The following PBX1 variants were observed in gnomAD, a reference collection of about 807,000 sequenced individuals.
The protein encoded by PBX1 is PBX homeobox 1, also known as pre-B-cell leukemia transcription factor 1.
PBX1 carries 6 observed loss-of-function variants against 53.4 expected under a neutral mutation model. That is an observed-to-expected ratio of 0.11 (90% CI 0.06 to 0.22). The LOEUF is 0.22. Ranked by LOEUF, PBX1 falls within the 10% of genes least tolerant of loss-of-function variation. The probability of loss-of-function intolerance (pLI) is 1.00; values close to 1 mark genes in which losing one functional copy is unlikely to be tolerated. For missense variants in PBX1, 251 were observed against 551.4 expected (o/e 0.46, Z 5.46); for synonymous variants, 204 against 212.3 (o/e 0.96, Z 0.34).
chr1:164,791,057 CT>C (rs1354249860), intron 2 of PBX1, among the ~76,000 whole-genome samples: 2 of 152,174 alleles, frequency 1.3e-5, no homozygotes, highest in African/African-American at 2.4e-5. Context: ...CACCGGACCC[CT>C]CTCCTCTGCC....
At chr1:164,811,718 G>T (rs952570567) in intron 5 of PBX1, among the ~76,000 whole-genome samples, 1 of 152,108 alleles carries the variant, frequency 6.6e-6, no homozygotes, top group Non-Finnish European at 1.5e-5. Flanking sequence ...AAATTAAAAG[G>T]GTTCTAGCTT....
chr1:164,602,119 G>A (rs1423863984), intron 2 of PBX1, among the ~76,000 whole-genome samples: 2 of 152,234 alleles, frequency 1.3e-5, no homozygotes, highest in African/African-American at 2.4e-5. Flanking sequence ...TGTTTTGGCT[G>A]AGACTGATTC....
intron 2 of PBX1, among the ~76,000 whole-genome samples, chr1:164,571,550 CGCT>C (rs1653853507): frequency 2.0e-5 from 3 of 151,978 alleles, no homozygotes; most frequent in Non-Finnish European, 4.4e-5. Context: ...AATACTATTC[CGCT>C]GTATGGATAT....
Position 164,755,392 on chromosome 1 carries a change from G to C in PBX1, c.266-37102G>C, listed in dbSNP as rs530433300. ...TTGAACTCCTGACCTCAGGTGATCC[G>C]CCCACCCTGGCCTCCCAAAGTGCTG... On this transcript the variant is annotated intron_variant, in intron 2 of 8. Coordinates refer to ENST00000420696, the MANE Select transcript of PBX1 (RefSeq NM_002585.4). 3.3e-5 allele frequency among the ~76,000 whole-genome samples: 5 copies of C among 152,130 alleles called. No individual in the cohort carries two copies. In the South Asian group the frequency reaches 1.0e-3, roughly 32 times the overall value.
chr1:164,765,776 T>A (rs1667030581), intron 2 of PBX1, among the ~76,000 whole-genome samples: 1 of 152,118 alleles, frequency 6.6e-6, no homozygotes, highest in Admixed American at 6.5e-5. Context: ...TATAAAACCA[T>A]CCAGTTTCCA....
intron 8 of PBX1, among the ~76,000 whole-genome samples, chr1:164,838,152 A>G (rs191211358): frequency 6.6e-6 from 1 of 152,320 alleles, no homozygotes; most frequent in African/African-American, 2.4e-5. Context: ...CTTAGCAGTT[A>G]GGGTGCATGC....
At chr1:164,709,366 AAAGCTG>A (rs1292929149) in intron 2 of PBX1, among the ~76,000 whole-genome samples, 5 of 152,206 alleles carry the variant, frequency 3.3e-5, no homozygotes, top group Non-Finnish European at 5.9e-5. Context: ...GTGCAAGGAC[AAAGCTG>A]GGTCCATTGA....
At chr1:164,570,466 T>A (rs1571238420) in intron 2 of PBX1, among the ~76,000 whole-genome samples, 1 of 152,176 alleles carries the variant, frequency 6.6e-6, no homozygotes. Context: ...GTGTTTGATT[T>A]TCTGTTCCTG....
chr1:164,577,806 C>T (rs1441342233), intron 2 of PBX1, among the ~76,000 whole-genome samples: 2 of 152,284 alleles, frequency 1.3e-5, no homozygotes, highest in Non-Finnish European at 1.5e-5. Context: ...AGTCTCTGAT[C>T]CACCAGCTGG....
At chr1:164,577,790 C>T (rs1196107632) in intron 2 of PBX1, among the ~76,000 whole-genome samples, 1 of 152,116 alleles carries the variant, frequency 6.6e-6, no homozygotes, top group Non-Finnish European at 1.5e-5. Context: ...AAATTTCCAC[C>T]AGCCTAGTCT....
intron 2 of PBX1, among the ~76,000 whole-genome samples, chr1:164,587,054 A>C (rs957364284): frequency 6.6e-6 from 1 of 152,190 alleles, no homozygotes; most frequent in African/African-American, 2.4e-5. Flanking sequence ...TAGCAAGCCC[A>C]TGCTTGACAT....
intron 2 of PBX1, among the ~76,000 whole-genome samples, chr1:164,675,013 A>T (rs1234302102): frequency 4.6e-5 from 7 of 152,124 alleles, no homozygotes; most frequent in Non-Finnish European, 5.9e-5. Flanking sequence ...ACTCAAAGAG[A>T]TTGGCAAGGG....
chr1:164,664,356 A>G (rs76130134), intron 2 of PBX1, among the ~76,000 whole-genome samples: 441 of 152,208 alleles, frequency 2.9e-3, no homozygotes, highest in Non-Finnish European at 4.1e-3. Context: ...GCTGCCTTTG[A>G]CAACTGGTGT....
chr1:164,655,009 G>A (rs575196479), intron 2 of PBX1, among the ~76,000 whole-genome samples: 1 of 151,870 alleles, frequency 6.6e-6, no homozygotes, highest in South Asian at 2.1e-4. Flanking sequence ...ACGCTGGATT[G>A]GATAACTCAG....
At position 164,848,909 on chromosome 1, in the gene PBX1, G is replaced by T. The variant is rs187013832; in HGVS notation, c.*2233G>T. On this transcript the variant is annotated 3_prime_UTR_variant, in exon 9 of 9. Transcript: ENST00000420696. ...TATTTGAAGGAAATGCAAAAACTAA[G>T]TATTTAGCAAAATGAAATTATGCCT... 250 of 1,069,650 alleles carry T rather than the reference G, an allele frequency of 2.3e-4. 1 individual carries two copies. Among genetic ancestry groups the T allele is most frequent in the Non-Finnish European group, 4.2e-5 (37 of 882,310 alleles). 66.3% of individuals were successfully genotyped at this position (1,069,650 alleles called of 1,614,324 possible). A position where few individuals can be genotyped will look rare whatever the true frequency, so the allele number is the denominator to read the frequency against.
intron 2 of PBX1, chr1:164,683,472 C>T (rs1661910447): frequency 6.6e-6 from 1 of 152,158 alleles, no homozygotes; most frequent in Non-Finnish European, 1.5e-5. Context: ...TGTATGACAA[C>T]TGAGGCTCCA....
At chr1:164,661,529 C>T (rs1340382557) in intron 2 of PBX1, among the ~76,000 whole-genome samples, 1 of 147,836 alleles carries the variant, frequency 6.8e-6, no homozygotes, top group Non-Finnish European at 1.5e-5. Context: ...CGGGTTCAAA[C>T]AATTCTCCTG....
At chr1:164,699,035 TA>T (rs1271235092) in intron 2 of PBX1, among the ~76,000 whole-genome samples, 1 of 152,130 alleles carries the variant, frequency 6.6e-6, no homozygotes, top group African/African-American at 2.4e-5. Flanking sequence ...AGTAAAATCA[TA>T]AAAAGGAGAC....
intron 2 of PBX1, among the ~76,000 whole-genome samples, chr1:164,749,483 A>G (rs895451098): frequency 2.0e-5 from 3 of 152,270 alleles, no homozygotes; most frequent in Middle Eastern, 3.4e-3. Flanking sequence ...TCCTCCTTCA[A>G]ATTCTGCCAA....
Sources: gnomAD v4.1 joint callset for allele counts (sites outside exome capture counted in the v4.1 genomes callset) on GRCh38, gnomAD v4.1.1 for gene constraint, MANE v1.5 for transcripts, NCBI Gene and HGNC (gene_info 2026-07-23, HGNC 2026-07-21) for gene names.